DAB1: variants seen among roughly 807,000 people sequenced by gnomAD.
DAB1 encodes the protein DAB adaptor protein 1, also known as disabled homolog 1.
In DAB1, 15 loss-of-function variants were observed where a neutral mutation model predicts 64.6. That is an observed-to-expected ratio of 0.23 (90% confidence interval 0.16 to 0.36). The LOEUF (loss-of-function observed/expected upper bound fraction) is 0.36, where lower values mean the gene tolerates loss of function less well. Among genes scored for constraint, DAB1 ranks in the 10% least tolerant of loss-of-function variants. The pLI is 1.00. For missense variants in DAB1, 596 were observed against 706.7 expected (o/e 0.84, Z 1.78); for synonymous variants, 235 against 251.9 (o/e 0.93, Z 0.64).
At chr1:57,896,061 A>T in intron 5 of DAB1, among the ~76,000 whole-genome samples, 1 of 152,326 alleles carries the variant, frequency 6.6e-6, no homozygotes, top group South Asian at 2.1e-4. Flanking sequence ...GACAGAGCCA[A>T]GGAAAGTGCC....
At chr1:58,529,501 A>G (rs1409446109) in intron 1 of DAB1, among the ~76,000 whole-genome samples, 1 of 152,262 alleles carries the variant, frequency 6.6e-6, no homozygotes, top group African/African-American at 2.4e-5. Context: ...CACTAAAAAC[A>G]AAAGTTAACA....
At chr1:57,268,102 A>G (rs1670724477) in intron 2 of DAB1, among the ~76,000 whole-genome samples, 1 of 152,224 alleles carries the variant, frequency 6.6e-6, no homozygotes, top group Non-Finnish European at 1.5e-5. Context: ...AGCAAGTGTG[A>G]CTAATGAAAC....
At chr1:57,267,281 C>T (rs1005575761) in intron 2 of DAB1, among the ~76,000 whole-genome samples, 4 of 151,612 alleles carry the variant, frequency 2.6e-5, no homozygotes, top group African/African-American at 9.7e-5. Flanking sequence ...GTGAGTGCAA[C>T]CCTGCCCACA....
intron 2 of DAB1, among the ~76,000 whole-genome samples, chr1:57,279,375 T>C (rs1232324388): frequency 6.6e-6 from 1 of 152,232 alleles, no homozygotes; most frequent in South Asian, 2.1e-4. Context: ...TTAAAATTTG[T>C]ATTATTTTTT....
At chr1:58,318,253 G>A (rs1440244060) in intron 4 of DAB1, among the ~76,000 whole-genome samples, 1 of 152,178 alleles carries the variant, frequency 6.6e-6, no homozygotes, top group African/African-American at 2.4e-5. Context: ...GGTACTGGAG[G>A]AGACAGATAC....
chr1:58,055,288 A>G (rs1266114412), intron 5 of DAB1, among the ~76,000 whole-genome samples: 1 of 152,140 alleles, frequency 6.6e-6, no homozygotes, highest in African/African-American at 2.4e-5. Context: ...CAGATGCTCC[A>G]GGCATGCTGT....
chr1:57,033,574 C>T (rs757873098), intron 9 of DAB1: 1 of 1,611,888 alleles, frequency 6.2e-7, no homozygotes, highest in South Asian at 1.1e-5. Flanking sequence ...AATAGCCATT[C>T]TGAAAGTGGA....
chr1:58,062,690 G>A (rs867860832), intron 5 of DAB1, among the ~76,000 whole-genome samples: 1 of 152,212 alleles, frequency 6.6e-6, no homozygotes, highest in East Asian at 1.9e-4. Flanking sequence ...GCTCCGTCAG[G>A]TGAGGAATTT....
rs1405993381 is a variant in DAB1, at chr1:58,421,006, AG to A, written n.258-77604del. 5.9e-5 allele frequency among the ~76,000 whole-genome samples: 9 copies of A among 152,300 alleles called. 1 individual carries two copies. The East Asian group carries it at 1.7e-3, about 29-fold the overall frequency. On this transcript the variant is annotated intron_variant and non_coding_transcript_variant, in intron 3 of 20. Coordinates refer to the DAB1 transcript ENST00000485760. ...GAAAACCAGAAGCCTTTCTCTTTCAAGGGCTACAAACTGAGATGCCAAGATG... is the reference window on the plus strand; with the variant it reads ...GAAAACCAGAAGCCTTTCTCTTTCAAGGCTACAAACTGAGATGCCAAGATG...
intron 7 of DAB1, among the ~76,000 whole-genome samples, chr1:57,556,451 T>A (rs563020633): frequency 5.1e-4 from 78 of 152,126 alleles, no homozygotes; most frequent in South Asian, 4.4e-3. Flanking sequence ...TTTTTTTTTT[T>A]AAATTTTTAT....
chr1:57,774,471 T>A (rs945304233), intron 6 of DAB1, among the ~76,000 whole-genome samples: 14 of 151,788 alleles, frequency 9.2e-5, no homozygotes, highest in African/African-American at 3.4e-4. Flanking sequence ...CAATGTTGAA[T>A]AGAAATGATG....
rs4354561 is a variant in DAB1, at chr1:57,029,652, G to A, written c.724-3609C>T. Among the ~76,000 whole-genome samples the A allele has an allele frequency of 6.8e-3, 1,036 of 152,318 alleles. 9 individuals carry two copies. The highest frequency in any genetic ancestry group is 0.022 in the African/African-American group (898 of 41,580). On this transcript the variant is annotated intron_variant, in intron 9 of 14. Transcript: ENST00000371236. The stretch of plus-strand genomic sequence containing the variant: ...ATGGGAACCTACCTCTTGCATCAGC[G>A]TGACCTGGATGTGAGACCTGGTGTC...
intron 4 of DAB1, among the ~76,000 whole-genome samples, chr1:57,101,341 A>C (rs1654668543): frequency 6.6e-6 from 1 of 152,240 alleles, no homozygotes; most frequent in Non-Finnish European, 1.5e-5. Context: ...GAGCTACATA[A>C]TCAACTGTTA....
At chr1:58,290,556 G>T (rs1661793823) in intron 4 of DAB1, among the ~76,000 whole-genome samples, 1 of 151,994 alleles carries the variant, frequency 6.6e-6, no homozygotes, top group Non-Finnish European at 1.5e-5. Context: ...CACAGTAGTT[G>T]TAAAAAAAAA....
At chr1:57,464,396 T>C (rs1686887099) in intron 7 of DAB1, among the ~76,000 whole-genome samples, 1 of 152,170 alleles carries the variant, frequency 6.6e-6, no homozygotes, top group South Asian at 2.1e-4. Flanking sequence ...AAAATCGCTT[T>C]CTCAAAATAG....
intron 2 of DAB1, among the ~76,000 whole-genome samples, chr1:57,147,237 C>CA (rs1376846605): frequency 6.6e-6 from 1 of 151,910 alleles, no homozygotes; most frequent in Non-Finnish European, 1.5e-5. Context: ...TGCCCAGTCT[C>CA]AGACTTTCAG....
intron 7 of DAB1, among the ~76,000 whole-genome samples, chr1:57,562,171 G>A (rs1570628845): frequency 1.3e-5 from 2 of 152,322 alleles, no homozygotes; most frequent in African/African-American, 4.8e-5. Flanking sequence ...TCAGGAGTTT[G>A]AGACCAGCCT....
At chr1:57,304,076 G>A (rs1031298330) in intron 1 of DAB1, among the ~76,000 whole-genome samples, 7 of 152,064 alleles carry the variant, frequency 4.6e-5, no homozygotes, top group Non-Finnish European at 8.8e-5. Flanking sequence ...CCTGAGGCTC[G>A]GTAATTTATA....
At chr1:58,321,600 G>A (rs1662684754) in intron 4 of DAB1, among the ~76,000 whole-genome samples, 2 of 152,392 alleles carry the variant, frequency 1.3e-5, no homozygotes, top group Middle Eastern at 3.4e-3. Flanking sequence ...TGGCACACCA[G>A]GAGATTATAT....
Sources: gnomAD v4.1 joint callset for allele counts (sites outside exome capture counted in the v4.1 genomes callset) on GRCh38, gnomAD v4.1.1 for gene constraint, MANE v1.5 for transcripts, NCBI Gene and HGNC (gene_info 2026-07-23, HGNC 2026-07-21) for gene names.